Variants in NDC1 observed in about 807,000 individuals in gnomAD.
NDC1 encodes the protein nucleoporin NDC1.
NDC1 carries 24 observed loss-of-function variants against 89.8 expected under a neutral mutation model. The ratio of observed to expected loss-of-function variants is 0.27; its 90% CI spans 0.19 to 0.38. The LOEUF (loss-of-function observed/expected upper bound fraction) is 0.38, where lower values mean the gene tolerates loss of function less well. Among genes scored for constraint, NDC1 ranks in the 10% least tolerant of loss-of-function variants. NDC1 has a pLI of 1.00. For synonymous variants in NDC1, 296 were observed against 284.8 expected, an observed-to-expected ratio of 1.04 and a Z score of -0.39; for missense variants, 728 against 797.6, an observed-to-expected ratio of 0.91 and a Z score of 1.05.
chr1:53,793,296 G>A lies in NDC1; in HGVS notation c.1585-17C>T, dbSNP rs765768311. On this transcript the variant is annotated splice_polypyrimidine_tract_variant and intron_variant, in intron 13 of 17. Coordinates refer to ENST00000371429, the MANE Select transcript of NDC1 (RefSeq NM_018087.5). The stretch of plus-strand genomic sequence containing the variant: ...ATTCTTAATCTGAGTTGGAAAAAAG[G>A]AAGAATTAACACATTTACCTTTTAA... 6.3e-7 allele frequency: 1 copy of A among 1,589,604 alleles called. No individual in the cohort carries two copies. Among genetic ancestry groups the A allele is most frequent in the Non-Finnish European group, 8.6e-7 (1 of 1,157,918 alleles).
At chr1:53,793,976 A>T (rs1177851693) in intron 13 of NDC1, among the ~76,000 whole-genome samples, 2 of 151,724 alleles carry the variant, frequency 1.3e-5, no homozygotes, top group Non-Finnish European at 2.9e-5. Context: ...ACAGGGAAAA[A>T]AAAATCTTTT....
chr1:53,805,915 A>T (rs1648088979), intron 9 of NDC1, among the ~76,000 whole-genome samples: 2 of 152,196 alleles, frequency 1.3e-5, no homozygotes, highest in Admixed American at 1.3e-4. Context: ...TCTACTAAAA[A>T]TACAAAAAAT....
rs546465708 is a variant in NDC1, at chr1:53,805,464, C to T, written c.984+961G>A. ...CAAGTGATCCTCTCACCTCGGCCTC[C>T]CAAAGTGCTGAAGACCACACACAGC... On this transcript the variant is annotated intron_variant, in intron 9 of 17. Coordinates refer to ENST00000371429, the MANE Select transcript of NDC1 (RefSeq NM_018087.5). Among the ~76,000 whole-genome samples, 9 of 152,314 alleles carry T rather than the reference C, an allele frequency of 5.9e-5. No individual in the cohort carries two copies. The South Asian group carries it at 1.0e-3, about 18-fold the overall frequency.
intron 7 of NDC1, 48 bp from the exon 8 acceptor site, chr1:53,807,839 A>G: frequency 1.9e-6 from 3 of 1,540,022 alleles, no homozygotes; most frequent in South Asian, 1.2e-5. Flanking sequence ...AATGCAATCT[A>G]AATATTAACA....
chr1:53,772,563 T>G (rs1647124305), intron 16 of NDC1, 74 bp from the exon 17 acceptor site: 3 of 1,426,664 alleles, frequency 2.1e-6, no homozygotes, highest in African/African-American at 1.4e-5. Flanking sequence ...GTGGCTCACA[T>G]GTGTAATCCC....
In NDC1 at chr1:53,796,802, G is replaced by C. The variant is rs770658717; in HGVS notation, c.1471C>G (p.Gln491Glu). The C allele has an allele frequency of 1.9e-6, 3 of 1,605,844 alleles. No homozygotes were observed. The highest frequency in any genetic ancestry group is 2.5e-6 in the Non-Finnish European group (3 of 1,177,714). Residue 491 changes from glutamine to glutamate, a missense_variant and splice_region_variant, in exon 13 of 18, where the codon CAG (glutamine) becomes GAG (glutamate). Physicochemically the swap from Gln to Glu is conservative, Grantham distance 29. Transcript: ENST00000371429. ...GPRLWTSASD[Q>E]QMTEFSNPSP... ...GGATTAGAAAATTCAGTCATTTGCT[G>C]ATCTATTTTTAAAAAAGAAAAGGCA... is the stretch of plus-strand genomic sequence containing the variant.
chr1:53,838,238 G>A lies in NDC1; in HGVS notation c.24C>T (p.Pro8=). Residue 8 remains proline, a synonymous_variant, in exon 1 of 18, where the codon CCC becomes CCT. Coordinates refer to ENST00000371429, the MANE Select transcript of NDC1 (RefSeq NM_018087.5). ...GTATGTCCCGCGACCTGCCGGCGCA[G>A]GGCCGGCTCACGGCCGTGGCCATGG... The part of the protein sequence containing the change: MATAVSR[P]CAGRSRDILW... 2 of 1,536,954 alleles carry A rather than the reference G, an allele frequency of 1.3e-6. No individual in the cohort carries two copies. Among genetic ancestry groups the A allele is most frequent in the Non-Finnish European group, 1.7e-6 (2 of 1,145,936 alleles).
At chr1:53,805,294 C>T (rs1648063388) in intron 9 of NDC1, among the ~76,000 whole-genome samples, 1 of 152,134 alleles carries the variant, frequency 6.6e-6, no homozygotes, top group African/African-American at 2.4e-5. Context: ...GCCTCCAACT[C>T]TTAGGCTCAA....
intron 13 of NDC1, among the ~76,000 whole-genome samples, chr1:53,794,818 T>G (rs1398410518): frequency 1.3e-5 from 2 of 152,136 alleles, no homozygotes; most frequent in Non-Finnish European, 2.9e-5. Flanking sequence ...AAGGCTGCAG[T>G]GTAGCCATGA....
At position 53,768,002 on chromosome 1, in the gene NDC1, T is replaced by G; in HGVS notation, c.1993A>C (p.Arg665=). Residue 665 remains arginine, a synonymous_variant, in exon 18 of 18, where the codon AGA becomes CGA. Transcript: ENST00000371429. The stretch of plus-strand genomic sequence containing the variant: ...TTGAACTCCAAGAACTGTTGAAGTC[T>G]TTTCTGATGTTCTGCAGATGCTTGC... ...AVQASAEHQK[R]LQQFLEFKE The G allele has an allele frequency of 6.2e-7, 1 of 1,609,394 alleles. No homozygotes were observed.
rs1356136912 is a variant in NDC1 at position 53,812,405 on chromosome 1, C to A, written c.704-2659G>T. Reference sequence around the variant, plus strand: ...GAGAAATATTCATAGAAATAGATAGCTTAAAGAAAAAACAATAAAAAATTC... The same window carrying A: ...GAGAAATATTCATAGAAATAGATAGATTAAAGAAAAAACAATAAAAAATTC... On this transcript the variant is annotated intron_variant, in intron 6 of 17. Coordinates refer to ENST00000371429, the MANE Select transcript of NDC1 (RefSeq NM_018087.5). 9.8e-4 allele frequency among the ~76,000 whole-genome samples: 149 copies of A among 152,212 alleles called. 1 individual carries two copies. The highest frequency in any genetic ancestry group is 2.8e-3 in the African/African-American group (117 of 41,556).
intron 17 of NDC1, among the ~76,000 whole-genome samples, chr1:53,768,234 C>T (rs1312303741): frequency 6.6e-6 from 1 of 152,210 alleles, no homozygotes; most frequent in African/African-American, 2.4e-5. Context: ...TGGCATGCTT[C>T]TATCTTCTAA....
intron 1 of NDC1, among the ~76,000 whole-genome samples, chr1:53,837,607 G>A (rs886124971): frequency 2.0e-5 from 3 of 152,036 alleles, no homozygotes; most frequent in Middle Eastern, 3.2e-3. Context: ...GGACCCAAAA[G>A]TTTTTAGTTT....
chr1:53,796,739 T>C lies in NDC1; in HGVS notation c.1534A>G (p.Met512Val), dbSNP rs371740668. ...STSISAEGKT[M>V]RQPSVIYSWI... ...GAATAAATCACACTGGGTTGTCTCATTGTCTTACCCTCAGCACTAATAGAG... is the reference window on the plus strand; with the variant it reads ...GAATAAATCACACTGGGTTGTCTCACTGTCTTACCCTCAGCACTAATAGAG... The change falls in exon 13 of 18, where the codon ATG (methionine) becomes GTG (valine). Residue 512 changes from methionine (M) to valine (V), a missense_variant. Met to Val is a conservative substitution (Grantham distance 21). Transcript: ENST00000371429. 32 of 1,611,940 alleles carry C rather than the reference T, an allele frequency of 2.0e-5. No individual in the cohort carries two copies. In the Admixed American group the frequency reaches 2.4e-4, roughly 12 times the overall value.
chr1:53,828,881 G>A (rs1435948812), intron 3 of NDC1, among the ~76,000 whole-genome samples: 3 of 152,036 alleles, frequency 2.0e-5, no homozygotes, highest in African/African-American at 4.8e-5. Context: ...CAAAGTGTTG[G>A]GATTACAGGC....
At chr1:53,789,682 C>T (rs1473812911) in intron 14 of NDC1, among the ~76,000 whole-genome samples, 1 of 151,650 alleles carries the variant, frequency 6.6e-6, no homozygotes, top group Non-Finnish European at 1.5e-5. Context: ...GCCTGTAATC[C>T]CAGCTACTCA....
At chr1:53,828,645 C>T (rs1199004229) in intron 3 of NDC1, among the ~76,000 whole-genome samples, 1 of 151,034 alleles carries the variant, frequency 6.6e-6, no homozygotes, top group Non-Finnish European at 1.5e-5. Context: ...GAGTTTCGCT[C>T]TTGTTGCCCA....
intron 14 of NDC1, 123 bp downstream of exon 14, chr1:53,793,106 A>C: frequency 4.7e-6 from 4 of 848,418 alleles, no homozygotes; most frequent in Non-Finnish European, 7.7e-6. Context: ...AGCACTATGC[A>C]AAGCTGCCTA....
At position 53,800,676 on chromosome 1, in the gene NDC1, G is replaced by A. The variant is rs766486005; in HGVS notation, c.1222+17C>T. 2 of 1,612,020 alleles carry A rather than the reference G, an allele frequency of 1.2e-6. No individual in the cohort carries two copies. Among genetic ancestry groups the A allele is most frequent in the South Asian group, 2.2e-5 (2 of 91,016 alleles). ...AAAATGTAAATGTTTTCCCCTCTTAGTAGTCCTAGGGATTACCTGGAGAAT... is the reference window on the plus strand; with the variant it reads ...AAAATGTAAATGTTTTCCCCTCTTAATAGTCCTAGGGATTACCTGGAGAAT... On this transcript the variant is annotated intron_variant, in intron 11 of 17. Transcript: ENST00000371429.
Sources: gnomAD v4.1 joint callset for allele counts (sites outside exome capture counted in the v4.1 genomes callset) on GRCh38, gnomAD v4.1.1 for gene constraint, MANE v1.5 for transcripts, NCBI Gene and HGNC (gene_info 2026-07-23, HGNC 2026-07-21) for gene names.